The following PDE4D variants were observed in gnomAD, a reference collection of about 807,000 sequenced individuals.
PDE4D encodes the protein phosphodiesterase 4D.
PDE4D carries 24 observed loss-of-function variants against 87.4 expected under a neutral mutation model. That is an observed-to-expected ratio of 0.27 (90% CI 0.20 to 0.39). The LOEUF (loss-of-function observed/expected upper bound fraction) is 0.39. PDE4D is among the 10% of genes least tolerant of loss of function. The pLI is 1.00. For missense variants in PDE4D, 714 were observed against 1,041.0 expected, an observed-to-expected ratio of 0.69 and a Z score of 4.32; for synonymous variants, 384 against 383.2, an observed-to-expected ratio of 1.00 and a Z score of -0.02.
At chr5:59,712,299 TTCTG>T (rs1369567244) in intron 1 of PDE4D, among the ~76,000 whole-genome samples, 4 of 150,752 alleles carry the variant, frequency 2.7e-5, no homozygotes, top group Middle Eastern at 3.5e-3. Flanking sequence ...AATGATCTCG[TTCTG>T]TCTGTCTATC....
chr5:59,777,347 T>C (rs567992680), intron 1 of PDE4D, among the ~76,000 whole-genome samples: 2 of 152,256 alleles, frequency 1.3e-5, no homozygotes, highest in East Asian at 3.9e-4. Flanking sequence ...GGGCCATGCC[T>C]CTAAATAACA....
rs1473565512 is a variant in PDE4D at position 59,053,663 on chromosome 5, T to TTG, written c.809-14693_809-14692insCA. 1.0e-4 allele frequency among the ~76,000 whole-genome samples: 12 copies of TTG among 116,064 alleles called. 1 individual carries two copies. The highest frequency in any genetic ancestry group is 3.3e-4 in the African/African-American group (11 of 33,820). 76.1% of individuals were successfully genotyped at this position (116,064 alleles called of 152,430 possible). ...GTTTTTTGTTTTTTTTTGTTGTTGT[T>TTG]TTTTTTTTTTGGCCAGGCACGGTCG... On this transcript the variant is annotated intron_variant, in intron 5 of 14. Coordinates refer to ENST00000340635, the MANE Select transcript of PDE4D (RefSeq NM_001104631.2).
chr5:59,490,974 C>T (rs1380119464), intron 1 of PDE4D, among the ~76,000 whole-genome samples: 1 of 152,112 alleles, frequency 6.6e-6, no homozygotes, highest in Non-Finnish European at 1.5e-5. Flanking sequence ...CTTAGCCCTA[C>T]TTACTAGCAG....
At chr5:60,438,925 T>G (rs1423722110) in intron 1 of PDE4D, among the ~76,000 whole-genome samples, 4 of 152,106 alleles carry the variant, frequency 2.6e-5, no homozygotes, top group African/African-American at 9.7e-5. Context: ...GGTAACTGCT[T>G]TTATCTAATA....
chr5:59,617,114 T>C (rs1324977593), intron 1 of PDE4D, among the ~76,000 whole-genome samples: 1 of 151,702 alleles, frequency 6.6e-6, no homozygotes, highest in Non-Finnish European at 1.5e-5. Flanking sequence ...TCCTCCAACA[T>C]GTCTAAAAGT....
At chr5:60,365,781 C>G (rs1176716286) in intron 1 of PDE4D, among the ~76,000 whole-genome samples, 3 of 152,030 alleles carry the variant, frequency 2.0e-5, no homozygotes, top group African/African-American at 4.8e-5. Context: ...TGGTGGCTCA[C>G]CCCCGTAATC....
At chr5:60,276,719 C>T (rs920544829) in intron 1 of PDE4D, among the ~76,000 whole-genome samples, 3 of 152,070 alleles carry the variant, frequency 2.0e-5, no homozygotes, top group African/African-American at 4.8e-5. Flanking sequence ...GTTTAATTTG[C>T]GAATCATTCT....
intron 1 of PDE4D, among the ~76,000 whole-genome samples, chr5:59,786,761 A>G (rs1376010840): frequency 6.6e-6 from 1 of 152,170 alleles, no homozygotes; most frequent in Non-Finnish European, 1.5e-5. Context: ...AACCAAGTGA[A>G]ATACGGGATT....
At chr5:59,537,709 G>A (rs750545294) in intron 1 of PDE4D, among the ~76,000 whole-genome samples, 14 of 151,954 alleles carry the variant, frequency 9.2e-5, no homozygotes, top group Admixed American at 1.3e-4. Flanking sequence ...TCAAACAGGT[G>A]GCCTTCCACT....
chr5:59,699,345 TA>T (rs1297780979), intron 1 of PDE4D, among the ~76,000 whole-genome samples: 1 of 152,020 alleles, frequency 6.6e-6, no homozygotes, highest in Non-Finnish European at 1.5e-5. Flanking sequence ...CGTCAACAAT[TA>T]AAAGAAAAAT....
At position 58,973,849 on chromosome 5, in the gene PDE4D, A is replaced by T. The variant is rs1012712100; in HGVS notation, c.*815T>A. 2 of 152,528 alleles carry T rather than the reference A, an allele frequency of 1.3e-5. No individual in the cohort carries two copies. The highest frequency in any genetic ancestry group is 2.9e-5 in the Non-Finnish European group (2 of 68,020). 9.4% of individuals were successfully genotyped at this position (152,528 alleles called of 1,614,324 possible). On this transcript the variant is annotated 3_prime_UTR_variant, in exon 15 of 15. Transcript: ENST00000340635. ...TTGTTTTTCTCTTTTAAAATATGGA[A>T]GTCATTGGTATATAAAACAAACAAT...
chr5:60,010,108 A>G (rs1054763286), intron 2 of PDE4D, among the ~76,000 whole-genome samples: 34 of 152,058 alleles, frequency 2.2e-4, no homozygotes, highest in African/African-American at 8.0e-4. Flanking sequence ...CCTACTCCCT[A>G]AGGACATAAG....
chr5:59,146,528 C>A (rs919286249), intron 5 of PDE4D, among the ~76,000 whole-genome samples: 1 of 151,390 alleles, frequency 6.6e-6, no homozygotes, highest in Non-Finnish European at 1.5e-5. Flanking sequence ...TGAAAGTTAG[C>A]AAATGAGTTA....
chr5:59,194,247 C>T (rs957659906), intron 2 of PDE4D, among the ~76,000 whole-genome samples: 1 of 152,092 alleles, frequency 6.6e-6, no homozygotes, highest in African/African-American at 2.4e-5. Context: ...AAACTGGGGC[C>T]CAGGGTTCTT....
intron 1 of PDE4D, among the ~76,000 whole-genome samples, chr5:60,386,519 C>G (rs1487362108): frequency 6.6e-6 from 1 of 152,208 alleles, no homozygotes; most frequent in Non-Finnish European, 1.5e-5. Context: ...CCTCCTAAGA[C>G]TCTTTGCAGG....
At chr5:59,602,072 A>G (rs1827588070) in intron 1 of PDE4D, among the ~76,000 whole-genome samples, 1 of 152,138 alleles carries the variant, frequency 6.6e-6, no homozygotes, top group African/African-American at 2.4e-5. Context: ...ACTGTTCACC[A>G]TGATCAAGTG....
At chr5:60,389,035 C>T (rs1283968582) in intron 1 of PDE4D, among the ~76,000 whole-genome samples, 1 of 151,926 alleles carries the variant, frequency 6.6e-6, no homozygotes, top group Non-Finnish European at 1.5e-5. Flanking sequence ...CACATTTTGC[C>T]ATCCAAGAAA....
intron 2 of PDE4D, among the ~76,000 whole-genome samples, chr5:60,112,709 C>T (rs1777795469): frequency 6.6e-6 from 1 of 152,064 alleles, no homozygotes; most frequent in African/African-American, 2.4e-5. Flanking sequence ...GTCACTCTCT[C>T]AGGAGGGCCA....
At chr5:59,278,062 G>A (rs575191052) in intron 1 of PDE4D, among the ~76,000 whole-genome samples, 3 of 152,132 alleles carry the variant, frequency 2.0e-5, no homozygotes, top group South Asian at 4.1e-4. Context: ...AGAAAGATGC[G>A]CTATGTTGTA....
Sources: allele counts gnomAD v4.1 joint callset (sites outside exome capture counted in the v4.1 genomes callset), GRCh38; gene constraint gnomAD v4.1.1; transcripts MANE v1.5; gene names NCBI Gene and HGNC (gene_info 2026-07-23, HGNC 2026-07-21).